Variants in RUFY3 observed in about 807,000 individuals in gnomAD.
RUFY3 encodes the protein protein RUFY3.
Under a neutral mutation model 84.0 loss-of-function variants are expected in RUFY3, and 34 were observed. That is an observed-to-expected ratio of 0.40 (90% CI 0.31 to 0.54). The LOEUF is 0.54. Ranked by LOEUF, RUFY3 falls within the 20% of genes least tolerant of loss-of-function variation. RUFY3 has a pLI of 0.39. For missense variants in RUFY3, 507 were observed against 736.8 expected (o/e 0.69, Z 3.61); for synonymous variants, 242 against 252.9 (o/e 0.96, Z 0.41).
At chr4:70,712,931 G>A (rs1741144894) in intron 1 of RUFY3, among the ~76,000 whole-genome samples, 1 of 152,178 alleles carries the variant, frequency 6.6e-6, no homozygotes. Flanking sequence ...AGTGGCTCAG[G>A]TTATGAGCTG....
intron 1 of RUFY3, among the ~76,000 whole-genome samples, chr4:70,758,944 A>G (rs1157474801): frequency 6.6e-6 from 1 of 152,116 alleles, no homozygotes; most frequent in African/African-American, 2.4e-5. Context: ...AGGCCGAGGC[A>G]GGAGAATGAC....
At position 70,807,636 on chromosome 4, in the gene RUFY3, C is replaced by G. The variant is rs1042043031; in HGVS notation, c.*977C>G. Among the ~76,000 whole-genome samples the G allele has an allele frequency of 6.6e-6, 1 of 150,984 alleles. No individual in the cohort carries two copies. The highest frequency in any genetic ancestry group is 2.4e-5 in the African/African-American group (1 of 41,068). On this transcript the variant is annotated 3_prime_UTR_variant, in exon 18 of 18. Transcript: ENST00000381006. ...CCCGGGCCTCAAGCAATCTTCCCAC[C>G]TTAGCCTCCCAAGTAGCTGGGACTG...
At chr4:70,791,948 C>G in intron 12 of RUFY3, 1 of 983,972 alleles carries the variant, frequency 1.0e-6, no homozygotes, top group African/African-American at 1.7e-5. Context: ...CCTTATATTT[C>G]TTTAAAATAC....
At chr4:70,732,900 A>C (rs2148618073) in intron 1 of RUFY3, among the ~76,000 whole-genome samples, 1 of 152,004 alleles carries the variant, frequency 6.6e-6, no homozygotes, top group Non-Finnish European at 1.5e-5. Context: ...CCGGAACTTA[A>C]AGTATTAAAA....
At chr4:70,723,817 G>A (rs1016084843) in intron 1 of RUFY3, among the ~76,000 whole-genome samples, 2 of 152,200 alleles carry the variant, frequency 1.3e-5, no homozygotes, top group Non-Finnish European at 2.9e-5. Flanking sequence ...GTTAGGAAAG[G>A]TGATTCTCTG....
chr4:70,729,383 A>C (rs1001863669), intron 1 of RUFY3, among the ~76,000 whole-genome samples: 1 of 152,082 alleles, frequency 6.6e-6, no homozygotes, highest in African/African-American at 2.4e-5. Context: ...CAGCCTCCTG[A>C]GTAGCTGGGA....
intron 1 of RUFY3, among the ~76,000 whole-genome samples, chr4:70,714,036 A>G (rs1741296916): frequency 6.6e-6 from 1 of 152,242 alleles, no homozygotes; most frequent in African/African-American, 2.4e-5. Context: ...CATGCTAAGC[A>G]TTTAACTCCG....
At chr4:70,720,168 C>T (rs1195779995), upstream of RUFY3, among the ~76,000 whole-genome samples, 1 of 152,116 alleles carries the variant, frequency 6.6e-6, no homozygotes, top group African/African-American at 2.4e-5. Flanking sequence ...TCTTCCACCT[C>T]AGTCTCCCAA....
chr4:70,752,299 G>T (rs78004569), intron 1 of RUFY3, among the ~76,000 whole-genome samples: 13,640 of 152,052 alleles, frequency 0.09, 1,029 homozygotes, highest in East Asian at 0.21. Flanking sequence ...CTCATTTTAT[G>T]TACATACTTT....
chr4:70,727,028 G>A (rs1194180308), intron 1 of RUFY3, among the ~76,000 whole-genome samples: 1 of 149,750 alleles, frequency 6.7e-6, no homozygotes, highest in Admixed American at 6.6e-5. Flanking sequence ...AAGCGTAGTG[G>A]GATTTCTTTC....
rs1160727204 is a variant in RUFY3, at chr4:70,807,314, A to C, written c.*655A>C. The C allele has an allele frequency of 3.3e-5, 5 of 152,198 alleles. No homozygotes were observed. Among genetic ancestry groups the C allele is most frequent in the African/African-American group, 1.2e-4 (5 of 41,456 alleles). The allele number at this position is 152,198 out of a possible 1,614,324, so 9.4% of individuals were successfully genotyped here. A position where few individuals can be genotyped will look rare whatever the true frequency, so the allele number is the denominator to read the frequency against. On this transcript the variant is annotated 3_prime_UTR_variant, in exon 18 of 18. Transcript: ENST00000381006. The stretch of plus-strand genomic sequence containing the variant: ...TACAAGGGTTTTCATTATCAAAAAA[A>C]AGAACATTTGTTTTTCTACTTTATG...
chr4:70,792,032 G>A, intron 12 of RUFY3: 1 of 985,362 alleles, frequency 1.0e-6, no homozygotes, highest in Non-Finnish European at 1.2e-6. Context: ...CCCTCCTCAT[G>A]TTTGTCATCT....
chr4:70,754,118 T>C (rs1413492505), intron 1 of RUFY3, among the ~76,000 whole-genome samples: 2 of 151,898 alleles, frequency 1.3e-5, no homozygotes, highest in Non-Finnish European at 2.9e-5. Context: ...AATGGCACAA[T>C]CTTGGCTCAC....
intron 1 of RUFY3, among the ~76,000 whole-genome samples, chr4:70,716,931 A>G (rs965535731): frequency 6.6e-6 from 1 of 152,158 alleles, no homozygotes; most frequent in African/African-American, 2.4e-5. Flanking sequence ...AACACTTTCT[A>G]TAAGAAAGTT....
intron 8 of RUFY3, among the ~76,000 whole-genome samples, chr4:70,779,357 C>G (rs1276253072): frequency 1.3e-5 from 2 of 152,154 alleles, no homozygotes; most frequent in South Asian, 4.1e-4. Context: ...TTCGGCCTCA[C>G]AATTAACTCT....
Position 70,705,203 on chromosome 4 carries a change from G to A in RUFY3, c.267G>A (p.Trp89Ter). 6.8e-7 allele frequency: 1 copy of A among 1,462,266 alleles called. No homozygotes were observed. Among genetic ancestry groups the A allele is most frequent in the Non-Finnish European group, 9.0e-7 (1 of 1,113,070 alleles). The allele number at this position is 1,462,266 out of a possible 1,614,324, so 90.6% of individuals were successfully genotyped here. ...CGCCGCCGCAGCAGCAGCGCTCCTG[G>A]AGGACCCCGCCGTCCCCCGGCTCAC... Residue 89 changes from tryptophan (W) to a stop codon, truncating the protein, a stop_gained, in exon 1 of 12, where the codon TGG (tryptophan) becomes TGA (stop). Transcript: ENST00000417478. LOFTEE classifies it high-confidence loss of function.
chr4:70,733,993 C>A (rs578257768), intron 1 of RUFY3, among the ~76,000 whole-genome samples: 14 of 152,166 alleles, frequency 9.2e-5, no homozygotes, highest in Non-Finnish European at 1.6e-4. Flanking sequence ...TATATCAGTA[C>A]CTTCTATGAC....
intron 3 of RUFY3, 102 bp downstream of exon 3, chr4:70,763,771 T>G: frequency 1.4e-6 from 2 of 1,399,044 alleles, no homozygotes; most frequent in South Asian, 3.0e-5. Flanking sequence ...ATTTATTTTA[T>G]AACAATCCAA....
intron 1 of RUFY3, among the ~76,000 whole-genome samples, chr4:70,737,236 T>C (rs551655760): frequency 6.6e-6 from 1 of 152,114 alleles, no homozygotes; most frequent in Admixed American, 6.5e-5. Flanking sequence ...TTACTTTCTC[T>C]ACTTTTTTTT....
Sources: allele counts gnomAD v4.1 joint callset (sites outside exome capture counted in the v4.1 genomes callset), GRCh38; gene constraint gnomAD v4.1.1; transcripts MANE v1.5; gene names NCBI Gene and HGNC (gene_info 2026-07-23, HGNC 2026-07-21).